Variants in PTGFR observed in about 807,000 individuals in gnomAD.
PTGFR encodes the protein prostaglandin F2-alpha receptor.
In PTGFR, 15 loss-of-function variants were observed where a neutral mutation model predicts 26.2. The observed-to-expected ratio is 0.57, with a 90% CI of 0.38 to 0.88. The LOEUF is 0.88. Ranked by LOEUF, PTGFR falls within the 40% of genes least tolerant of loss-of-function variation. The probability of loss-of-function intolerance (pLI) is 0.00; values close to 1 mark genes in which losing one functional copy is unlikely to be tolerated. For synonymous variants in PTGFR, 165 were observed against 151.1 expected (o/e 1.09, Z -0.68); for missense variants, 369 against 427.2 (o/e 0.86, Z 1.20).
intron 2 of PTGFR, chr1:78,498,041 T>G (rs750534843): frequency 2.0e-4 from 190 of 935,728 alleles, no homozygotes; most frequent in Non-Finnish European, 2.6e-4. Context: ...GTCAACATAG[T>G]TAAACATTGT....
At position 78,492,638 on chromosome 1, in the gene PTGFR, CG is replaced by C. The variant is rs576360098; in HGVS notation, c.-72-32del. On this transcript the variant is annotated intron_variant, in intron 1 of 2. Coordinates refer to ENST00000370757, the MANE Select transcript of PTGFR (RefSeq NM_000959.4). Reference sequence around the variant, plus strand: ...CATAAACGTCAGATGAGCAGTAATGCGGTGTTCATAATTCCTCTCCCTTTAT... The same window carrying C: ...CATAAACGTCAGATGAGCAGTAATGCGTGTTCATAATTCCTCTCCCTTTAT... The C allele has an allele frequency of 1.6e-4, 173 of 1,077,778 alleles. 2 individuals are homozygous for C. The South Asian group carries it at 2.6e-3, about 16-fold the overall frequency. The allele number at this position is 1,077,778 out of a possible 1,614,324, so 66.8% of individuals were successfully genotyped here.
rs1243110688 is a variant in PTGFR at position 78,539,641 on chromosome 1, G to T, written c.*2954G>T. 2 of 152,434 alleles carry T rather than the reference G, an allele frequency of 1.3e-5. No homozygotes were observed. The highest frequency in any genetic ancestry group is 1.9e-4 in the East Asian group (1 of 5,194). The allele number at this position is 152,434 out of a possible 1,614,324, so 9.4% of individuals were successfully genotyped here. On this transcript the variant is annotated 3_prime_UTR_variant, in exon 3 of 3. Coordinates refer to ENST00000370757, the MANE Select transcript of PTGFR (RefSeq NM_000959.4). ...TTGGATTGTATAGAGATTAAATAGT[G>T]ATATGTATATTTTGTTGTTTGCTTT...
chr1:78,495,516 T>A (rs1038296630), intron 2 of PTGFR, among the ~76,000 whole-genome samples: 8 of 152,220 alleles, frequency 5.3e-5, no homozygotes, highest in African/African-American at 1.9e-4. Flanking sequence ...TAAAAATGTT[T>A]AAATAAACTT....
chr1:78,532,364 T>TTATATATATATATATATA lies in PTGFR; in HGVS notation c.799-4026_799-4009dup, dbSNP rs200848855. On this transcript the variant is annotated intron_variant, in intron 2 of 2. Transcript: ENST00000370757. The stretch of plus-strand genomic sequence containing the variant: ...AGTTTATGCCGTCAAGTAAATTCAT[T>TTATATATATATATATATA]TATATATATATATATATATATATAT... The TTATATATATATATATATA allele has an allele frequency of 3.1e-4, 26 of 85,210 alleles. 1 individual carries two copies. Among genetic ancestry groups the TTATATATATATATATATA allele is most frequent in the African/African-American group, 1.0e-3 (22 of 21,906 alleles). The allele number at this position is 85,210 out of a possible 1,614,324, so 5.3% of individuals were successfully genotyped here.
intron 2 of PTGFR, among the ~76,000 whole-genome samples, chr1:78,535,148 A>T (rs915513444): frequency 6.6e-6 from 1 of 152,162 alleles, no homozygotes; most frequent in African/African-American, 2.4e-5. Context: ...CTGTTTGTAG[A>T]GGAGAGAGGA....
At chr1:78,531,902 A>T (rs1170640557) in intron 2 of PTGFR, among the ~76,000 whole-genome samples, 4 of 152,088 alleles carry the variant, frequency 2.6e-5, no homozygotes, top group African/African-American at 9.7e-5. Context: ...ATCTCATTTC[A>T]ATATGTTCTA....
intron 2 of PTGFR, among the ~76,000 whole-genome samples, chr1:78,517,571 A>G (rs1650119662): frequency 6.6e-6 from 1 of 152,124 alleles, no homozygotes; most frequent in East Asian, 1.9e-4. Flanking sequence ...AGCAGAGGCA[A>G]AATCCAGCAC....
At chr1:78,532,196 G>A in intron 2 of PTGFR, 1 of 405,122 alleles carries the variant, frequency 2.5e-6, no homozygotes, top group African/African-American at 2.2e-5. Context: ...TCTATAATAT[G>A]ATGTTTGCTT....
intron 2 of PTGFR, among the ~76,000 whole-genome samples, chr1:78,499,081 G>A (rs962026083): frequency 6.6e-6 from 1 of 152,146 alleles, no homozygotes; most frequent in East Asian, 1.9e-4. Flanking sequence ...AGTGCCATGG[G>A]GTGAATGACC....
At chr1:78,522,372 C>T (rs1477732090) in intron 2 of PTGFR, among the ~76,000 whole-genome samples, 1 of 152,010 alleles carries the variant, frequency 6.6e-6, no homozygotes, top group African/African-American at 2.4e-5. Context: ...TATAATATAA[C>T]ATAATCATGG....
intron 2 of PTGFR, among the ~76,000 whole-genome samples, chr1:78,525,716 C>T (rs1319128685): frequency 6.6e-6 from 1 of 151,990 alleles, no homozygotes; most frequent in African/African-American, 2.4e-5. Context: ...TGGCCAGTCC[C>T]CATCCTGAAA....
In PTGFR at chr1:78,539,539, C is replaced by G. The variant is rs1222252306; in HGVS notation, c.*2852C>G. On this transcript the variant is annotated 3_prime_UTR_variant, in exon 3 of 3. Transcript: ENST00000370757. ...AATAATGTTGGACTTCAACTTGTTACTGGCACATTTTAATAGTAGATGAAA... is the reference window on the plus strand; with the variant it reads ...AATAATGTTGGACTTCAACTTGTTAGTGGCACATTTTAATAGTAGATGAAA... 1 of 152,446 alleles carries G rather than the reference C, an allele frequency of 6.6e-6. No homozygotes were observed. The highest frequency in any genetic ancestry group is 1.5e-5 in the Non-Finnish European group (1 of 67,976). 9.4% of individuals were successfully genotyped at this position (152,446 alleles called of 1,614,324 possible). A position where few individuals can be genotyped will look rare whatever the true frequency, so the allele number is the denominator to read the frequency against.
chr1:78,505,771 C>T (rs571799208), intron 2 of PTGFR, among the ~76,000 whole-genome samples: 37 of 152,240 alleles, frequency 2.4e-4, no homozygotes, highest in Non-Finnish European at 4.3e-4. Context: ...TTTGCATAAA[C>T]GGAATCTTAC....
At chr1:78,528,047 G>A (rs886252463) in intron 2 of PTGFR, among the ~76,000 whole-genome samples, 1 of 151,944 alleles carries the variant, frequency 6.6e-6, no homozygotes, top group African/African-American at 2.4e-5. Context: ...TTTTGTAGAG[G>A]AGACAGATTG....
intron 2 of PTGFR, among the ~76,000 whole-genome samples, chr1:78,531,452 C>T (rs913563318): frequency 2.6e-5 from 4 of 151,904 alleles, no homozygotes; most frequent in African/African-American, 4.8e-5. Context: ...TTAAGAACAG[C>T]GAAGGCTTAT....
rs1650686751 is a variant in PTGFR, at chr1:78,537,521, C to A, written c.*834C>A. On this transcript the variant is annotated 3_prime_UTR_variant, in exon 3 of 3. Transcript: ENST00000370757. ...CTCTACCATGGATAATGCAAACAAA[C>A]CGAAGCTACATGCCAATGATAGGTG... 1 of 152,062 alleles carries A rather than the reference C, an allele frequency of 6.6e-6. No homozygotes were observed. The highest frequency in any genetic ancestry group is 1.5e-5 in the Non-Finnish European group (1 of 68,010). 9.4% of individuals were successfully genotyped at this position (152,062 alleles called of 1,614,324 possible). A position where few individuals can be genotyped will look rare whatever the true frequency, so the allele number is the denominator to read the frequency against.
At position 78,518,380 on chromosome 1, in the gene PTGFR, T is replaced by C. The variant is rs1346046483; in HGVS notation, c.799-18026T>C. On this transcript the variant is annotated intron_variant, in intron 2 of 2. Coordinates refer to ENST00000370757, the MANE Select transcript of PTGFR (RefSeq NM_000959.4). Reference sequence around the variant, plus strand: ...GAGTTTTCTCTTTTTATTACTCTTTTATTATTTCTTTTTGGCTTTGGTTTT... The same window carrying C: ...GAGTTTTCTCTTTTTATTACTCTTTCATTATTTCTTTTTGGCTTTGGTTTT... Among the ~76,000 whole-genome samples, 4 of 152,182 alleles carry C rather than the reference T, an allele frequency of 2.6e-5. No individual in the cohort carries two copies. In the East Asian group the frequency reaches 7.7e-4, roughly 29 times the overall value.
intron 2 of PTGFR, among the ~76,000 whole-genome samples, chr1:78,532,677 C>T (rs978235491): frequency 4.6e-5 from 7 of 151,512 alleles, no homozygotes; most frequent in African/African-American, 7.3e-5. Context: ...AAGCGATTCT[C>T]GTGCCTCAGC....
chr1:78,532,259 G>A (rs890946189), intron 2 of PTGFR: 5 of 395,136 alleles, frequency 1.3e-5, no homozygotes, highest in African/African-American at 1.1e-4. Flanking sequence ...GGTGTGGATG[G>A]AGAGGCAACA....
Sources: allele counts gnomAD v4.1 joint callset (sites outside exome capture counted in the v4.1 genomes callset), GRCh38; gene constraint gnomAD v4.1.1; transcripts MANE v1.5; gene names NCBI Gene and HGNC (gene_info 2026-07-23, HGNC 2026-07-21).